The following SPRR2F variants were observed in gnomAD, a reference collection of about 807,000 sequenced individuals.
The protein encoded by SPRR2F is small proline-rich protein 2F.
In SPRR2F, 2 loss-of-function variants were observed where a neutral mutation model predicts 0.8. That is an observed-to-expected ratio of 2.52 (90% confidence interval 1.03 to 7.95). SPRR2F has a LOEUF of 7.95. Among genes scored for constraint, SPRR2F ranks in the 30% most tolerant of loss-of-function variants. The pLI is 0.04. For missense variants in SPRR2F, 80 were observed against 85.8 expected (o/e 0.93, Z 0.27); for synonymous variants, 39 against 33.4 (o/e 1.17, Z -0.58).
At position 153,112,627 on chromosome 1, in the gene SPRR2F, C is replaced by G; in HGVS notation, c.107G>C (p.Cys36Ser). The part of the protein sequence containing the change: ...PCPPPKCPEP[C>S]PPSKCPQSCP... ...GGACTGTGGACACTTTGATGGTGGG[C>G]AGGGCTCAGGGCACTTCGGGGGTGG... is the stretch of plus-strand genomic sequence containing the variant. The change falls in exon 2 of 2, where the codon TGC becomes TCC. Residue 36 changes from cysteine to serine, a missense_variant. Coordinates refer to ENST00000468739, the MANE Select transcript of SPRR2F (RefSeq NM_001014450.3). 6.2e-7 allele frequency: 1 copy of G among 1,612,612 alleles called. No homozygotes were observed. Among genetic ancestry groups the G allele is most frequent in the South Asian group, 1.1e-5 (1 of 91,000 alleles).
chr1:153,114,315 C>T (rs1291952966), upstream of SPRR2F, among the ~76,000 whole-genome samples: 6 of 152,108 alleles, frequency 3.9e-5, no homozygotes, highest in Non-Finnish European at 7.4e-5. Context: ...TTGCTACTTG[C>T]TGCCATTAAG....
upstream of SPRR2F, among the ~76,000 whole-genome samples, chr1:153,117,444 T>C (rs932999815): frequency 2.0e-5 from 3 of 152,216 alleles, no homozygotes; most frequent in South Asian, 2.1e-4. Flanking sequence ...AAATATATAA[T>C]GTAATCTCTA....
upstream of SPRR2F, among the ~76,000 whole-genome samples, chr1:153,118,319 C>A (rs577385387): frequency 7.2e-5 from 11 of 152,152 alleles, no homozygotes; most frequent in East Asian, 3.9e-4. Context: ...AGACTACATA[C>A]TTTAAGGTTC....
At chr1:153,117,728 A>G (rs910191174), upstream of SPRR2F, among the ~76,000 whole-genome samples, 6 of 152,122 alleles carry the variant, frequency 3.9e-5, no homozygotes, top group African/African-American at 7.2e-5. Flanking sequence ...TAGGGAGATT[A>G]AAAACATGGG....
chr1:153,112,847 T>A (rs1264749359), intron 1 of SPRR2F, 95 bp from the exon 2 acceptor site: 55 of 1,539,694 alleles, frequency 3.6e-5, no homozygotes, highest in Non-Finnish European at 4.5e-5. Flanking sequence ...ATTTCTCCAA[T>A]CTCCAAGAAA....
chr1:153,117,819 T>C (rs1181084104), upstream of SPRR2F, among the ~76,000 whole-genome samples: 1 of 151,920 alleles, frequency 6.6e-6, no homozygotes, highest in Non-Finnish European at 1.5e-5. Context: ...TAAAGTTGCC[T>C]CCCTTCACAC....
chr1:153,113,887 A>G (rs545154726), upstream of SPRR2F, among the ~76,000 whole-genome samples: 13 of 151,386 alleles, frequency 8.6e-5, 1 homozygote, highest in East Asian at 3.9e-4. Context: ...ACTGAATGCC[A>G]TATTGTTGTA....
At chr1:153,115,639 T>G (rs981803005), upstream of SPRR2F, among the ~76,000 whole-genome samples, 3 of 152,220 alleles carry the variant, frequency 2.0e-5, no homozygotes, top group African/African-American at 7.2e-5. Context: ...CTTCCCCAAG[T>G]TAGGACATCC....
chr1:153,116,863 T>C (rs1655730482), upstream of SPRR2F, among the ~76,000 whole-genome samples: 1 of 152,084 alleles, frequency 6.6e-6, no homozygotes. Context: ...AAATTGATAG[T>C]TATTAAGACA....
At chr1:153,114,632 T>C (rs1333556514), upstream of SPRR2F, among the ~76,000 whole-genome samples, 3 of 152,196 alleles carry the variant, frequency 2.0e-5, no homozygotes, top group Non-Finnish European at 4.4e-5. Flanking sequence ...AAACAGGTTT[T>C]AGGTGTTTCT....
upstream of SPRR2F, among the ~76,000 whole-genome samples, chr1:153,116,912 C>T (rs1477373558): frequency 6.6e-6 from 1 of 151,872 alleles, no homozygotes. Flanking sequence ...ATAATAGTAC[C>T]TACCATTAAA....
At chr1:153,119,062 C>A in the SPRR2F span, among the ~76,000 whole-genome samples, 2 of 152,046 alleles carry the variant, frequency 1.3e-5, no homozygotes, top group East Asian at 1.9e-4. Context: ...TATATATAAT[C>A]CCCATTGTAA....
chr1:153,113,158 C>T (rs1276708826), intron 1 of SPRR2F, among the ~76,000 whole-genome samples: 1 of 152,124 alleles, frequency 6.6e-6, no homozygotes, highest in Admixed American at 6.5e-5. Context: ...GAATTGCATG[C>T]TCTCACACCT....
chr1:153,113,020 A>G (rs1391390479), intron 1 of SPRR2F, among the ~76,000 whole-genome samples: 2 of 152,158 alleles, frequency 1.3e-5, no homozygotes, highest in African/African-American at 4.8e-5. Context: ...TATGAAAATA[A>G]CATCTTCAAG....
chr1:153,112,171 C>A lies in SPRR2F; in HGVS notation c.*344G>T. 2.6e-6 allele frequency: 1 copy of A among 380,638 alleles called. No individual in the cohort carries two copies. Among genetic ancestry groups the A allele is most frequent in the African/African-American group, 2.1e-5 (1 of 48,464 alleles). The allele number at this position is 380,638 out of a possible 1,614,324, so 23.6% of individuals were successfully genotyped here. A position where few individuals can be genotyped will look rare whatever the true frequency, so the allele number is the denominator to read the frequency against. ...GAGTGAAAGGAAAGTGACAACTGCACAGGTGGTGGAAGCTCATGCCCAGGG... is the reference window on the plus strand; with the variant it reads ...GAGTGAAAGGAAAGTGACAACTGCAAAGGTGGTGGAAGCTCATGCCCAGGG... On this transcript the variant is annotated 3_prime_UTR_variant, in exon 2 of 2. Coordinates refer to ENST00000468739, the MANE Select transcript of SPRR2F (RefSeq NM_001014450.3).
In SPRR2F at chr1:153,112,353, C is replaced by T. The variant is rs545120585; in HGVS notation, c.*162G>A. The T allele has an allele frequency of 5.5e-5, 74 of 1,349,426 alleles. 2 individuals are homozygous for T. In the South Asian group the frequency reaches 8.7e-4, roughly 16 times the overall value. The allele number at this position is 1,349,426 out of a possible 1,614,324, so 83.6% of individuals were successfully genotyped here. On this transcript the variant is annotated 3_prime_UTR_variant, in exon 2 of 2. Coordinates refer to ENST00000468739, the MANE Select transcript of SPRR2F (RefSeq NM_001014450.3). ...CAGTATGGCAGCCTCAAAAAGAAAA[C>T]CTTTTGCTATCAGAGATCATCACAG... is the stretch of plus-strand genomic sequence containing the variant.
At chr1:153,116,314 A>G (rs1655721740), upstream of SPRR2F, among the ~76,000 whole-genome samples, 1 of 152,202 alleles carries the variant, frequency 6.6e-6, no homozygotes, top group Non-Finnish European at 1.5e-5. Flanking sequence ...ACATTTTAAC[A>G]TTTATGTATG....
upstream of SPRR2F, among the ~76,000 whole-genome samples, chr1:153,113,992 AT>A (rs1171281660): frequency 7.5e-3 from 590 of 78,722 alleles, no homozygotes; most frequent in African/African-American, 0.017. Context: ...CTGGTCCCAG[AT>A]TTTTTTTTTT....
the SPRR2F span, among the ~76,000 whole-genome samples, chr1:153,118,639 G>A: frequency 8.4e-4 from 127 of 152,062 alleles, no homozygotes; most frequent in Middle Eastern, 3.4e-3. Context: ...AAATGAGGGC[G>A]AAATTATAAC....
Sources: gnomAD v4.1 joint callset for allele counts (sites outside exome capture counted in the v4.1 genomes callset) on GRCh38, gnomAD v4.1.1 for gene constraint, MANE v1.5 for transcripts, NCBI Gene and HGNC (gene_info 2026-07-23, HGNC 2026-07-21) for gene names.